Variants in ULBP1 observed in about 807,000 individuals in gnomAD.
The protein encoded by ULBP1 is UL16 binding protein 1, also known as UL16-binding protein 1.
Under a neutral mutation model 25.3 loss-of-function variants are expected in ULBP1, and 28 were observed. That is an observed-to-expected ratio of 1.10 (90% CI 0.82 to 1.51). ULBP1 has a LOEUF of 1.51. Ranked by LOEUF, ULBP1 falls within the 40% of genes most tolerant of loss-of-function variation. The probability of loss-of-function intolerance (pLI) is 0.00; values close to 1 mark genes in which losing one functional copy is unlikely to be tolerated. For missense variants in ULBP1, 348 were observed against 290.9 expected (o/e 1.20, Z -1.43); for synonymous variants, 129 against 103.0 (o/e 1.25, Z -1.53).
At position 149,968,654 on chromosome 6, in the gene ULBP1, C is replaced by A. The variant is rs146008152; in HGVS notation, c.133C>A (p.Pro45Thr). 1.1e-5 allele frequency: 17 copies of A among 1,613,956 alleles called. No individual in the cohort carries two copies. The highest frequency in any genetic ancestry group is 1.4e-5 in the Non-Finnish European group (16 of 1,179,838). Reference protein sequence around the residue: ...YDFIITPKSRPEPQWCEVQGL... With the variant: ...YDFIITPKSRTEPQWCEVQGL... ...CTTCATCATCACTCCTAAGTCCAGA[C>A]CTGAACCACAGTGGTGTGAAGTTCA... The change falls in exon 2 of 5, where the codon CCT (proline) becomes ACT (threonine). Residue 45 changes from proline (P) to threonine (T), a missense_variant. Physicochemically the swap from Pro to Thr is conservative, Grantham distance 38. Coordinates refer to ENST00000229708, the MANE Select transcript of ULBP1 (RefSeq NM_025218.4).
At chr6:149,971,254 T>G in intron 4 of ULBP1, 115 bp from the exon 5 acceptor site, 2 of 718,280 alleles carry the variant, frequency 2.8e-6, no homozygotes, top group Non-Finnish European at 1.7e-6. Flanking sequence ...GGGAAAAGCA[T>G]GTTTCTTATT....
At chr6:149,970,187 G>A (rs1582827845) in intron 4 of ULBP1, 40 bp downstream of exon 4, 1 of 1,540,666 alleles carries the variant, frequency 6.5e-7, no homozygotes, top group East Asian at 2.4e-5. Flanking sequence ...AGAGGCAGAT[G>A]GGTGAGATGG....
intron 4 of ULBP1, 95 bp downstream of exon 4, chr6:149,970,242 T>C: frequency 6.8e-7 from 1 of 1,468,996 alleles, no homozygotes; most frequent in Non-Finnish European, 9.1e-7. Flanking sequence ...GGCCGGGAAC[T>C]TCTCATCCTG....
intron 1 of ULBP1, among the ~76,000 whole-genome samples, chr6:149,965,890 G>C (rs56855094): frequency 0.11 from 17,278 of 151,668 alleles, 1,716 homozygotes; most frequent in East Asian, 0.34. Context: ...CACCTCCCCC[G>C]ACCAACTAGC....
chr6:149,965,554 C>T (rs1321622640), intron 1 of ULBP1, among the ~76,000 whole-genome samples: 1 of 152,284 alleles, frequency 6.6e-6, no homozygotes, highest in Middle Eastern at 3.4e-3. Flanking sequence ...GATTCCCGAA[C>T]CCTAGCTGGG....
chr6:149,970,455 G>A (rs1779294496), intron 4 of ULBP1, among the ~76,000 whole-genome samples: 1 of 152,210 alleles, frequency 6.6e-6, no homozygotes, highest in South Asian at 2.1e-4. Context: ...ATGGTGTGTG[G>A]CCTGCAGGCA....
At chr6:149,970,290 G>T in intron 4 of ULBP1, 143 bp downstream of exon 4, 1 of 1,217,826 alleles carries the variant, frequency 8.2e-7, no homozygotes, top group Non-Finnish European at 1.1e-6. Context: ...GTCACCTGTT[G>T]GCAATGACCT....
intron 3 of ULBP1, among the ~76,000 whole-genome samples, chr6:149,969,566 C>T (rs1786445767): frequency 6.6e-6 from 1 of 152,158 alleles, no homozygotes; most frequent in African/African-American, 2.4e-5. Flanking sequence ...ACTGCACCTG[C>T]TTCTGCTCTA....
At position 149,968,649 on chromosome 6, in the gene ULBP1, C is replaced by T. The variant is rs149084251; in HGVS notation, c.128C>T (p.Ser43Phe). The T allele has an allele frequency of 6.2e-6, 10 of 1,613,740 alleles. No homozygotes were observed. In the African/African-American group the frequency reaches 6.7e-5, roughly 11 times the overall value. Residue 43 changes from serine to phenylalanine, a missense_variant, in exon 2 of 5, where the codon TCC becomes TTC. By Grantham distance (155) the Ser-to-Phe change is radical. Coordinates refer to ENST00000229708, the MANE Select transcript of ULBP1 (RefSeq NM_025218.4). ...LCYDFIITPK[S>F]RPEPQWCEVQ... ...TATGACTTCATCATCACTCCTAAGT[C>T]CAGACCTGAACCACAGTGGTGTGAA... is the stretch of plus-strand genomic sequence containing the variant.
chr6:149,968,469 C>T, intron 1 of ULBP1, 138 bp from the exon 2 acceptor site: 1 of 1,176,854 alleles, frequency 8.5e-7, no homozygotes, highest in Non-Finnish European at 1.2e-6. Context: ...GTTTTCATGA[C>T]AGTCCTGGCT....
At position 149,969,241 on chromosome 6, in the gene ULBP1, C is replaced by A; in HGVS notation, c.506C>A (p.Thr169Lys). Residue 169 changes from threonine to lysine, a missense_variant, in exon 3 of 5, where the codon ACA (threonine) becomes AAA (lysine). Transcript: ENST00000229708. ...CTTCATCCTGGAGCCAAGAAGATGA[C>A]AGAGAAGTGGGAGAAGAACAGGGAT... ...TALHPGAKKMTEKWEKNRDVT... is the reference protein window; with the variant it reads ...TALHPGAKKMKEKWEKNRDVT... The A allele has an allele frequency of 6.2e-7, 1 of 1,614,232 alleles. No homozygotes were observed. The highest frequency in any genetic ancestry group is 1.1e-5 in the South Asian group (1 of 91,086).
chr6:149,964,248 ACGAACATCGCGGTCTCCC>A, intron 1 of ULBP1, 114 bp downstream of exon 1: 2 of 1,050,696 alleles, frequency 1.9e-6, no homozygotes, highest in South Asian at 3.7e-5. Context: ...ATCTCCCTGA[ACGAACATCGCGGTCTCCC>A]CGAACGTCGC....
Position 149,964,357 on chromosome 6 carries a change from CG to C in ULBP1, c.85+224del, listed in dbSNP as rs1779158095. Among the ~76,000 whole-genome samples, 3 of 151,748 alleles carry C rather than the reference CG, an allele frequency of 2.0e-5. No homozygotes were observed. The South Asian group carries it at 6.3e-4, about 32-fold the overall frequency. On this transcript the variant is annotated intron_variant, in intron 1 of 4. Transcript: ENST00000229708. ...GTCTCCCCGAACATCGCGATCTCCC[CG>C]AACATCGTGATCTCCCCAGACATGC...
intron 1 of ULBP1, 49 bp from the exon 2 acceptor site, chr6:149,968,558 G>A (rs751678347): frequency 1.2e-5 from 19 of 1,570,076 alleles, no homozygotes; most frequent in Non-Finnish European, 1.5e-5. Context: ...AGGGGATACA[G>A]GTTCCATTTC....
In ULBP1 at chr6:149,972,647, A is replaced by T. The variant is rs1279673959; in HGVS notation, c.*1301A>T. ...AATATCCAGAATCTACAAGGAACTTAAACAATTCAACAAGCAAGAAGAAAA... is the reference window on the plus strand; with the variant it reads ...AATATCCAGAATCTACAAGGAACTTTAACAATTCAACAAGCAAGAAGAAAA... On this transcript the variant is annotated 3_prime_UTR_variant, in exon 5 of 5. Coordinates refer to ENST00000229708, the MANE Select transcript of ULBP1 (RefSeq NM_025218.4). 6.6e-6 allele frequency: 1 copy of T among 152,352 alleles called. No individual in the cohort carries two copies. Among genetic ancestry groups the T allele is most frequent in the Non-Finnish European group, 1.5e-5 (1 of 68,030 alleles). The allele number at this position is 152,352 out of a possible 1,614,324, so 9.4% of individuals were successfully genotyped here.
chr6:149,965,976 G>C (rs1779198176), intron 1 of ULBP1, among the ~76,000 whole-genome samples: 1 of 152,060 alleles, frequency 6.6e-6, no homozygotes, highest in African/African-American at 2.4e-5. Context: ...ATGCAGGGGG[G>C]ACGGGAAATC....
chr6:149,970,658 C>G (rs1204748283), intron 4 of ULBP1, among the ~76,000 whole-genome samples: 6 of 152,190 alleles, frequency 3.9e-5, no homozygotes, highest in Non-Finnish European at 8.8e-5. Flanking sequence ...GAAAGCAGCT[C>G]GGGTCCCAGC....
chr6:149,970,548 T>C (rs1779296378), intron 4 of ULBP1, among the ~76,000 whole-genome samples: 1 of 152,104 alleles, frequency 6.6e-6, no homozygotes, highest in African/African-American at 2.4e-5. Context: ...GGAAGGGGTG[T>C]CCCTGGAGGA....
intron 1 of ULBP1, among the ~76,000 whole-genome samples, chr6:149,964,673 C>G (rs1281027932): frequency 1.4e-5 from 2 of 147,618 alleles, no homozygotes; most frequent in Non-Finnish European, 3.0e-5. Context: ...ACTCAGTTCC[C>G]CTCCGCGGCT....
Sources: gnomAD v4.1 joint callset for allele counts (sites outside exome capture counted in the v4.1 genomes callset) on GRCh38, gnomAD v4.1.1 for gene constraint, MANE v1.5 for transcripts, NCBI Gene and HGNC (gene_info 2026-07-23, HGNC 2026-07-21) for gene names.